FHIT: variants seen among roughly 807,000 people sequenced by gnomAD.
The protein encoded by FHIT is bis(5'-adenosyl)-triphosphatase.
FHIT carries 19 observed loss-of-function variants against 17.9 expected under a neutral mutation model. The observed-to-expected ratio is 1.06, with a 90% CI of 0.74 to 1.56. FHIT has a LOEUF of 1.56. Ranked by LOEUF, FHIT falls within the 40% of genes most tolerant of loss-of-function variation. The pLI, the probability that FHIT is intolerant of heterozygous loss-of-function variation, is 0.00. For synonymous variants in FHIT, 81 were observed against 69.7 expected, an observed-to-expected ratio of 1.16 and a Z score of -0.81; for missense variants, 248 against 189.2, an observed-to-expected ratio of 1.31 and a Z score of -1.82.
At chr3:59,751,868 GTTAA>G in intron 9 of FHIT, 1 of 255,642 alleles carries the variant, frequency 3.9e-6, no homozygotes, top group African/African-American at 2.2e-5. Context: ...ACACCTTTAA[GTTAA>G]GTTGGGGTTG....
At chr3:60,131,716 G>A (rs1244194450) in intron 5 of FHIT, among the ~76,000 whole-genome samples, 1 of 152,008 alleles carries the variant, frequency 6.6e-6, no homozygotes, top group Non-Finnish European at 1.5e-5. Context: ...CCCTACTGCT[G>A]CCAGTCTAGG....
intron 4 of FHIT, among the ~76,000 whole-genome samples, chr3:60,737,663 C>T (rs973266859): frequency 2.0e-5 from 3 of 152,104 alleles, no homozygotes; most frequent in Admixed American, 6.6e-5. Context: ...TGTTCATATG[C>T]ATTTCCCATT....
At chr3:60,296,660 TTAAAC>T (rs1267553832) in intron 5 of FHIT, among the ~76,000 whole-genome samples, 2 of 152,052 alleles carry the variant, frequency 1.3e-5, no homozygotes, top group African/African-American at 4.8e-5. Flanking sequence ...AATTTTGAAG[TTAAAC>T]TAATCAATTT....
chr3:60,231,276 A>G (rs1704483214), intron 5 of FHIT, among the ~76,000 whole-genome samples: 1 of 152,246 alleles, frequency 6.6e-6, no homozygotes, highest in South Asian at 2.1e-4. Flanking sequence ...CATATCCAAT[A>G]GAAGTTGGTA....
At chr3:59,863,573 T>A (rs1256786539) in intron 8 of FHIT, among the ~76,000 whole-genome samples, 1 of 152,194 alleles carries the variant, frequency 6.6e-6, no homozygotes, top group Non-Finnish European at 1.5e-5. Context: ...AGACCATGCA[T>A]GATTATTCAT....
At chr3:59,957,502 A>T (rs1248051428) in intron 7 of FHIT, among the ~76,000 whole-genome samples, 2 of 152,264 alleles carry the variant, frequency 1.3e-5, no homozygotes, top group South Asian at 4.1e-4. Flanking sequence ...TAATGCAGTC[A>T]GTAAAGACTG....
At chr3:60,441,916 T>A (rs1269401411) in intron 5 of FHIT, among the ~76,000 whole-genome samples, 1 of 148,104 alleles carries the variant, frequency 6.8e-6, no homozygotes, top group Non-Finnish European at 1.5e-5. Context: ...TGGAGTACAG[T>A]GGCATGATCA....
At chr3:60,271,161 A>T (rs569188169) in intron 5 of FHIT, among the ~76,000 whole-genome samples, 188 of 152,198 alleles carry the variant, frequency 1.2e-3, no homozygotes, top group Admixed American at 2.2e-3. Flanking sequence ...GAACTTTGGG[A>T]AACAAAGGTG....
rs372321659 is a variant in FHIT, at chr3:60,494,540, C to T, written c.103+42320G>A. ...ATTATTGACTACAGTCACTCCGTTG[C>T]GCTATCAAATACTAGGTCTTATTCA... On this transcript the variant is annotated intron_variant, in intron 5 of 9. Coordinates refer to ENST00000492590, the MANE Select transcript of FHIT (RefSeq NM_002012.4). 4.5e-4 allele frequency among the ~76,000 whole-genome samples: 68 copies of T among 152,094 alleles called. 1 individual carries two copies. The highest frequency in any genetic ancestry group is 2.5e-3 in the South Asian group (12 of 4,818).
intron 5 of FHIT, among the ~76,000 whole-genome samples, chr3:60,361,472 T>C (rs895873283): frequency 2.6e-5 from 4 of 152,090 alleles, no homozygotes; most frequent in Non-Finnish European, 4.4e-5. Flanking sequence ...CTTGCAGCAG[T>C]GAGTGTGTAA....
intron 1 of FHIT, among the ~76,000 whole-genome samples, chr3:61,204,000 G>C (rs1029420530): frequency 2.0e-5 from 3 of 152,148 alleles, no homozygotes; most frequent in African/African-American, 7.2e-5. Flanking sequence ...TCTTAGAATG[G>C]AGTATTATAT....
At chr3:59,841,554 G>C (rs1258729133) in intron 8 of FHIT, among the ~76,000 whole-genome samples, 1 of 152,146 alleles carries the variant, frequency 6.6e-6, no homozygotes, top group East Asian at 1.9e-4. Flanking sequence ...TGAAGCTTTG[G>C]AGGGCCTACC....
intron 5 of FHIT, among the ~76,000 whole-genome samples, chr3:60,128,883 T>C (rs1699382853): frequency 1.3e-5 from 2 of 152,160 alleles, no homozygotes; most frequent in African/African-American, 2.4e-5. Context: ...AACACAGTTC[T>C]TTGCACATAA....
At chr3:61,021,205 C>T (rs1394036599) in intron 3 of FHIT, among the ~76,000 whole-genome samples, 1 of 152,180 alleles carries the variant, frequency 6.6e-6, no homozygotes, top group South Asian at 2.1e-4. Context: ...GAACTCTCCA[C>T]CCCAAATCAA....
At chr3:61,215,412 T>G (rs1461070689) in intron 1 of FHIT, among the ~76,000 whole-genome samples, 1 of 148,892 alleles carries the variant, frequency 6.7e-6, no homozygotes, top group East Asian at 2.0e-4. Flanking sequence ...CCATTCACAA[T>G]TGCTCCTAGG....
chr3:60,365,066 T>C (rs1041040525), intron 5 of FHIT, among the ~76,000 whole-genome samples: 5 of 150,452 alleles, frequency 3.3e-5, no homozygotes, highest in African/African-American at 1.2e-4. Context: ...ATATATATTC[T>C]ATTGGTTCTG....
intron 3 of FHIT, among the ~76,000 whole-genome samples, chr3:60,853,316 A>C (rs1444726952): frequency 6.6e-6 from 1 of 152,114 alleles, no homozygotes; most frequent in Non-Finnish European, 1.5e-5. Context: ...TTTGATGTCT[A>C]TGATGTATTT....
chr3:60,191,252 AC>A lies in FHIT; in HGVS notation c.104-177101del, dbSNP rs1255551309. Among the ~76,000 whole-genome samples, 3 of 152,346 alleles carry A rather than the reference AC, an allele frequency of 2.0e-5. No individual in the cohort carries two copies. In the East Asian group the frequency reaches 5.8e-4, roughly 29 times the overall value. On this transcript the variant is annotated intron_variant, in intron 5 of 9. Transcript: ENST00000492590. ...ATAAAAAATTAAGAACAGAATTTAT[AC>A]AAAAATAATGCTTAAACACATGTTT...
chr3:60,648,740 G>C (rs187420149), intron 4 of FHIT, among the ~76,000 whole-genome samples: 6 of 152,300 alleles, frequency 3.9e-5, no homozygotes, highest in African/African-American at 1.4e-4. Flanking sequence ...AGCTAAAAAA[G>C]GAGCGAGTCA....
Sources: gnomAD v4.1 joint callset for allele counts (sites outside exome capture counted in the v4.1 genomes callset) on GRCh38, gnomAD v4.1.1 for gene constraint, MANE v1.5 for transcripts, NCBI Gene and HGNC (gene_info 2026-07-23, HGNC 2026-07-21) for gene names.